The following THAP10 variants were observed in gnomAD, a reference collection of about 807,000 sequenced individuals.
THAP10 encodes THAP domain-containing protein 10.
A neutral mutation model predicts 15.7 loss-of-function variants in THAP10; 10 were observed. The ratio of observed to expected loss-of-function variants is 0.64; its 90% CI spans 0.39 to 1.08. The LOEUF is 1.08. THAP10 is among the 50% of genes least tolerant of loss of function. THAP10 has a pLI of 0.01. For synonymous variants in THAP10, 127 were observed against 129.1 expected (o/e 0.98, Z 0.11); for missense variants, 310 against 330.9 (o/e 0.94, Z 0.49).
At chr15:70,884,166 G>A (rs1455144591) in intron 1 of THAP10, among the ~76,000 whole-genome samples, 6 of 152,166 alleles carry the variant, frequency 3.9e-5, no homozygotes, top group African/African-American at 1.2e-4. Context: ...AGTAGTGGCA[G>A]CTGCCTTCAA....
chr15:70,887,206 G>T (rs1448520086), intron 1 of THAP10, among the ~76,000 whole-genome samples: 1 of 151,882 alleles, frequency 6.6e-6, no homozygotes, highest in Non-Finnish European at 1.5e-5. Flanking sequence ...TTTATTAATG[G>T]ATATATGCCA....
Position 70,882,520 on chromosome 15 carries a change from C to A in THAP10, c.708G>T (p.Trp236Cys). The A allele has an allele frequency of 1.2e-6, 2 of 1,613,868 alleles. No individual in the cohort carries two copies. Among genetic ancestry groups the A allele is most frequent in the Non-Finnish European group, 8.5e-7 (1 of 1,179,944 alleles). ...YSSDSETDTD[W>C]DIKSEQSDLS... The stretch of plus-strand genomic sequence containing the variant: ...AATCACTCTGTTCACTCTTGATATC[C>A]CAGTCTGTATCTGTTTCTGAATCAC... Residue 236 changes from tryptophan to cysteine, a missense_variant, in exon 3 of 3, where the codon TGG (tryptophan) becomes TGT (cysteine). Trp to Cys is a radical substitution (Grantham distance 215, BLOSUM62 -2). Transcript: ENST00000249861.
intron 1 of THAP10, 114 bp from the exon 2 acceptor site, chr15:70,883,022 T>TA: frequency 1.0e-6 from 1 of 981,220 alleles, no homozygotes; most frequent in African/African-American, 1.6e-5. Context: ...CACATATTAG[T>TA]AAGGCTGATA....
At chr15:70,891,764 CT>C in intron 1 of THAP10, 79 bp downstream of exon 1, 1 of 1,325,776 alleles carries the variant, frequency 7.5e-7, no homozygotes, top group Non-Finnish European at 1.0e-6. Context: ...GATGAGGTGC[CT>C]TTCCCAAGGT....
chr15:70,892,107 C>T lies in THAP10; in HGVS notation c.166G>A (p.Asp56Asn), dbSNP rs759559367. 2.8e-5 allele frequency: 45 copies of T among 1,613,868 alleles called. No individual in the cohort carries two copies. Among genetic ancestry groups the T allele is most frequent in the Non-Finnish European group, 3.6e-5 (42 of 1,179,944 alleles). The stretch of plus-strand genomic sequence containing the variant: ...TCAAAACAGGCTGGGGCAAAGTGGT[C>T]AGAGCAGATGACCGAGCGGTCATTG... ...GGNDRSVICS[D>N]HFAPACFDVS... The change falls in exon 1 of 3, where the codon GAC becomes AAC. Residue 56 changes from aspartate to asparagine, a missense_variant. By Grantham distance (23) the Asp-to-Asn change is conservative. Coordinates refer to ENST00000249861, the MANE Select transcript of THAP10 (RefSeq NM_020147.4).
At chr15:70,890,081 C>T (rs1317408346) in intron 1 of THAP10, among the ~76,000 whole-genome samples, 1 of 152,152 alleles carries the variant, frequency 6.6e-6, no homozygotes, top group Non-Finnish European at 1.5e-5. Context: ...ATTATGTATG[C>T]TGGATCTGTT....
chr15:70,882,204 G>A lies in THAP10; in HGVS notation c.*250C>T, dbSNP rs1348491067. ...GTTGCTGATATTGTGGTTTTGCTTT[G>A]TAACCTGATTTCTACCAAAAGGATT... On this transcript the variant is annotated 3_prime_UTR_variant, in exon 3 of 3. Transcript: ENST00000249861. 8.2e-6 allele frequency: 3 copies of A among 365,138 alleles called. No individual in the cohort carries two copies. The highest frequency in any genetic ancestry group is 2.1e-5 in the African/African-American group (1 of 47,886). 22.6% of individuals were successfully genotyped at this position (365,138 alleles called of 1,614,324 possible). A position where few individuals can be genotyped will look rare whatever the true frequency, so the allele number is the denominator to read the frequency against.
rs985856133 is a variant in THAP10 at position 70,892,130 on chromosome 15, T to C, written c.143A>G (p.Asn48Ser). 3.0e-5 allele frequency: 49 copies of C among 1,613,704 alleles called. No homozygotes were observed. Among genetic ancestry groups the C allele is most frequent in the Non-Finnish European group, 4.2e-5 (49 of 1,179,902 alleles). ...GTCAGAGCAGATGACCGAGCGGTCATTGCCTCCGTACCAGTCGGCGCGGCA... is the reference window on the plus strand; with the variant it reads ...GTCAGAGCAGATGACCGAGCGGTCACTGCCTCCGTACCAGTCGGCGCGGCA... ...RGCRADWYGG[N>S]DRSVICSDHF... The change falls in exon 1 of 3, where the codon AAT (asparagine) becomes AGT (serine). Residue 48 changes from asparagine (N) to serine (S), a missense_variant. Asn to Ser is a conservative substitution (Grantham distance 46). Coordinates refer to ENST00000249861, the MANE Select transcript of THAP10 (RefSeq NM_020147.4).
rs143098607 is a variant in THAP10 at position 70,882,628 on chromosome 15, C to T, written c.600G>A (p.Ala200=). 20 of 1,613,776 alleles carry T rather than the reference C, an allele frequency of 1.2e-5. No individual in the cohort carries two copies. Among genetic ancestry groups the T allele is most frequent in the Middle Eastern group, 1.6e-4 (1 of 6,082 alleles). ...TTGCATTACACAGTCTTTTTCCAAA[C>T]GCTTTCACTTTGGCTTGAATACCTG... The part of the protein sequence containing the change: ...RSVGIQAKVK[A]FGKRLCNATT... The change falls in exon 3 of 3, where the codon GCG becomes GCA. Residue 200 remains alanine, a synonymous_variant. Coordinates refer to ENST00000249861, the MANE Select transcript of THAP10 (RefSeq NM_020147.4).
chr15:70,883,171 T>C (rs905334757), intron 1 of THAP10, among the ~76,000 whole-genome samples: 21 of 152,148 alleles, frequency 1.4e-4, no homozygotes, highest in Non-Finnish European at 1.8e-4. Flanking sequence ...TTTTTTTTCT[T>C]AAATCAAAAG....
At chr15:70,890,723 A>C (rs1350303275) in intron 1 of THAP10, among the ~76,000 whole-genome samples, 2 of 152,170 alleles carry the variant, frequency 1.3e-5, no homozygotes, top group African/African-American at 4.8e-5. Context: ...CTTAATTGGC[A>C]ATGATGGGAG....
At chr15:70,890,613 G>A (rs1428911295) in intron 1 of THAP10, among the ~76,000 whole-genome samples, 1 of 152,198 alleles carries the variant, frequency 6.6e-6, no homozygotes, top group African/African-American at 2.4e-5. Flanking sequence ...TGCTACTGAA[G>A]TATCTGTGCT....
At chr15:70,889,569 T>G (rs1426505523) in intron 1 of THAP10, among the ~76,000 whole-genome samples, 3 of 152,334 alleles carry the variant, frequency 2.0e-5, no homozygotes, top group Middle Eastern at 3.4e-3. Context: ...AAGTCAACAA[T>G]TTAAAAAATT....
chr15:70,883,358 AT>A (rs2033317779), intron 1 of THAP10, among the ~76,000 whole-genome samples: 2 of 151,732 alleles, frequency 1.3e-5, no homozygotes, highest in South Asian at 4.2e-4. Flanking sequence ...CGCCCAGCTA[AT>A]TTTTTTGTAT....
At position 70,882,156 on chromosome 15, in the gene THAP10, A is replaced by T. The variant is rs1010402327; in HGVS notation, c.*298T>A. 3.7e-6 allele frequency: 1 copy of T among 267,478 alleles called. No individual in the cohort carries two copies. Among genetic ancestry groups the T allele is most frequent in the East Asian group, 7.8e-5 (1 of 12,764 alleles). The allele number at this position is 267,478 out of a possible 1,614,324, so 16.6% of individuals were successfully genotyped here. On this transcript the variant is annotated 3_prime_UTR_variant, in exon 3 of 3. Transcript: ENST00000249861. ...TGAACTAAGCTTAAACAAATATTCA[A>T]TGCTTAATTTTGATTAGGAAGTGTT...
At position 70,882,816 on chromosome 15, in the gene THAP10, GC is replaced by G; in HGVS notation, c.521del (p.Gly174AlafsTer11). 6.2e-7 allele frequency: 1 copy of G among 1,614,130 alleles called. No individual in the cohort carries two copies. The highest frequency in any genetic ancestry group is 1.1e-5 in the South Asian group (1 of 91,084). On this transcript the variant is annotated frameshift_variant, in exon 2 of 3. Coordinates refer to ENST00000249861, the MANE Select transcript of THAP10 (RefSeq NM_020147.4). LOFTEE classifies it high-confidence loss of function. ...AAATTTGTGTACTTTTATGCACTGG[GC>G]CTTCTTCACAGTGAGTAGGTACTGA... ...VTSVPTHCEEGPVHKSTQISL... is the reference protein window; with the variant it reads ...VTSVPTHCEEXPVHKSTQISL...
rs760393490 is a variant in THAP10 at position 70,882,908 on chromosome 15, T to C, written c.430A>G (p.Ile144Val). Residue 144 changes from isoleucine to valine, a missense_variant and splice_region_variant, in exon 2 of 3, where the codon ATT becomes GTT. Ile to Val is a conservative substitution (Grantham distance 29, BLOSUM62 3). Coordinates refer to ENST00000249861, the MANE Select transcript of THAP10 (RefSeq NM_020147.4). ...TGCACAAGTTCATTTTCACACGTAA[T>C]CTAAAAATACAAATCAGAGGAGAAA... ...RAGKQAAASQITCENELVQTQ... is the reference protein window; with the variant it reads ...RAGKQAAASQVTCENELVQTQ... 12 of 1,613,640 alleles carry C rather than the reference T, an allele frequency of 7.4e-6. No homozygotes were observed. Among genetic ancestry groups the C allele is most frequent in the Non-Finnish European group, 1.0e-5 (12 of 1,179,890 alleles).
rs2033292394 is a variant in THAP10 at position 70,882,612 on chromosome 15, ACAGTCTTTTTC to A, written c.605_615del (p.Gly202ValfsTer2). 2 of 1,613,974 alleles carry A rather than the reference ACAGTCTTTTTC, an allele frequency of 1.2e-6. No homozygotes were observed. Among genetic ancestry groups the A allele is most frequent in the African/African-American group, 2.7e-5 (2 of 74,938 alleles). The stretch of plus-strand genomic sequence containing the variant: ...TCCTCTGTCTGAGTAGTTGCATTAC[ACAGTCTTTTTC>A]CAAACGCTTTCACTTTGGCTTGAAT... On this transcript the variant is annotated frameshift_variant, in exon 3 of 3. Transcript: ENST00000249861. LOFTEE classifies it low-confidence loss of function (END_TRUNC).
Position 70,888,705 on chromosome 15 carries a change from C to T in THAP10, c.429+3139G>A, listed in dbSNP as rs147951740. ...AACCCATAGTGGGAGAAGATAAAAA[C>T]ATTTAACTGAAAAAGGACTTCCAGG... is the stretch of plus-strand genomic sequence containing the variant. On this transcript the variant is annotated intron_variant, in intron 1 of 2. Transcript: ENST00000249861. Among the ~76,000 whole-genome samples the T allele has an allele frequency of 7.5e-4, 114 of 152,184 alleles. 1 individual carries two copies. The highest frequency in any genetic ancestry group is 2.7e-3 in the African/African-American group (111 of 41,542).
Sources: allele counts gnomAD v4.1 joint callset (sites outside exome capture counted in the v4.1 genomes callset), GRCh38; gene constraint gnomAD v4.1.1; transcripts MANE v1.5; gene names NCBI Gene and HGNC (gene_info 2026-07-23, HGNC 2026-07-21).